ABCA1: variants seen among roughly 807,000 people sequenced by gnomAD.
ABCA1 encodes the protein ATP binding cassette subfamily A member 1.
ABCA1 carries 133 observed loss-of-function variants against 262.5 expected under a neutral mutation model. The ratio of observed to expected loss-of-function variants is 0.51; its 90% CI spans 0.44 to 0.59. The LOEUF is 0.59. ABCA1 is among the 20% of genes least tolerant of loss of function. The pLI is 0.00. For synonymous variants in ABCA1, 1,022 were observed against 1,043.5 expected, an observed-to-expected ratio of 0.98 and a Z score of 0.40; for missense variants, 2,452 against 2,777.5, an observed-to-expected ratio of 0.88 and a Z score of 2.63.
In ABCA1 at chr9:104,833,894, C is replaced by T. The variant is rs868439444; in HGVS notation, c.1312-1123G>A. Among the ~76,000 whole-genome samples the T allele has an allele frequency of 7.2e-5, 11 of 151,922 alleles. 1 individual carries two copies. Among genetic ancestry groups the T allele is most frequent in the Admixed American group, 3.9e-4 (6 of 15,236 alleles). On this transcript the variant is annotated intron_variant, in intron 11 of 49. Transcript: ENST00000374736. ...GCTCAATCAGCAGATCCAGAGGGGC[C>T]GAGGCAGAGGCCTGCACAGATGTGC...
rs1355853073 is a variant in ABCA1 at position 104,817,416 on chromosome 9, G to C, written c.3463-12C>G. The C allele has an allele frequency of 6.2e-7, 1 of 1,614,188 alleles. No individual in the cohort carries two copies. The highest frequency in any genetic ancestry group is 1.1e-5 in the South Asian group (1 of 91,084). On this transcript the variant is annotated splice_polypyrimidine_tract_variant and intron_variant, in intron 23 of 49. Coordinates refer to ENST00000374736, the MANE Select transcript of ABCA1 (RefSeq NM_005502.4). The surrounding 1 kb of genome is among the most constrained non-coding windows in gnomAD (Gnocchi z 4.7). Reference sequence around the variant, plus strand: ...GAAACACTGTCCTCCTGATGGCAAAGAAGGAGGTGAGAACGGGTCAGGGAC... The same window carrying C: ...GAAACACTGTCCTCCTGATGGCAAACAAGGAGGTGAGAACGGGTCAGGGAC...
At chr9:104,888,218 T>C (rs1839380102) in intron 3 of ABCA1, among the ~76,000 whole-genome samples, 2 of 152,142 alleles carry the variant, frequency 1.3e-5, no homozygotes, top group African/African-American at 4.8e-5. Flanking sequence ...ACTGCTTTCC[T>C]GGAAGAACAG....
intron 9 of ABCA1, 146 bp from the exon 10 acceptor site, chr9:104,837,713 G>T: frequency 1.1e-6 from 1 of 945,394 alleles, no homozygotes; most frequent in Non-Finnish European, 1.6e-6. Context: ...CTGAGCCTCA[G>T]TTGGCTCCTC....
chr9:104,860,391 G>A (rs1466977395), intron 6 of ABCA1, among the ~76,000 whole-genome samples: 1 of 152,022 alleles, frequency 6.6e-6, no homozygotes, highest in Non-Finnish European at 1.5e-5. Flanking sequence ...CCACACAATT[G>A]GTAAACACAA....
chr9:104,801,605 G>A (rs367565569), intron 34 of ABCA1, among the ~76,000 whole-genome samples: 7 of 151,044 alleles, frequency 4.6e-5, no homozygotes. Flanking sequence ...GCAACGGTGC[G>A]ATCTTGGCTC....
intron 11 of ABCA1, among the ~76,000 whole-genome samples, chr9:104,836,551 C>T (rs1366140676): frequency 6.6e-6 from 1 of 152,206 alleles, no homozygotes; most frequent in Non-Finnish European, 1.5e-5. Context: ...TCATCATTCA[C>T]ACAGTGCCCT....
intron 7 of ABCA1, among the ~76,000 whole-genome samples, chr9:104,852,800 A>G (rs1348958449): frequency 6.6e-6 from 1 of 152,184 alleles, no homozygotes; most frequent in Non-Finnish European, 1.5e-5. Context: ...AAAATCTGAT[A>G]CTTTCCAACA....
intron 5 of ABCA1, among the ~76,000 whole-genome samples, chr9:104,878,856 A>G (rs1211256321): frequency 1.3e-5 from 2 of 152,214 alleles, no homozygotes; most frequent in Non-Finnish European, 2.9e-5. Flanking sequence ...TGTATAGTCC[A>G]GCGAATTTAG....
At chr9:104,892,897 A>G (rs972375114) in intron 2 of ABCA1, among the ~76,000 whole-genome samples, 2 of 152,260 alleles carry the variant, frequency 1.3e-5, no homozygotes, top group African/African-American at 2.4e-5. Context: ...ATTGCATAGC[A>G]ATAGGGAAAT....
chr9:104,825,981 T>C lies in ABCA1; in HGVS notation c.2338-94A>G, dbSNP rs78103171. 1.7e-3 allele frequency: 2,281 copies of C among 1,319,022 alleles called. 34 individuals carry two copies. The African/African-American group carries it at 0.031, about 18-fold the overall frequency. The allele number at this position is 1,319,022 out of a possible 1,614,324, so 81.7% of individuals were successfully genotyped here. A position where few individuals can be genotyped will look rare whatever the true frequency, so the allele number is the denominator to read the frequency against. ...AAATTATACCTGGAGAAATTTGAAT[T>C]TGCAAAATGGATCAATCATAAGGTG... On this transcript the variant is annotated intron_variant, in intron 16 of 49. Coordinates refer to ENST00000374736, the MANE Select transcript of ABCA1 (RefSeq NM_005502.4).
chr9:104,896,423 A>C (rs1022606793), intron 2 of ABCA1, among the ~76,000 whole-genome samples: 1 of 152,228 alleles, frequency 6.6e-6, no homozygotes, highest in East Asian at 1.9e-4. Context: ...GAGTTCATTT[A>C]ATATCCAAAT....
chr9:104,787,704 C>T (rs940823838), intron 46 of ABCA1: 4 of 302,562 alleles, frequency 1.3e-5, no homozygotes, highest in Non-Finnish European at 1.9e-5. Flanking sequence ...AAACAAAGTG[C>T]TTGGAGTGCC....
chr9:104,801,626 C>G (rs1174918677), intron 34 of ABCA1, among the ~76,000 whole-genome samples: 1 of 152,092 alleles, frequency 6.6e-6, no homozygotes, highest in African/African-American at 2.4e-5. Flanking sequence ...ACTACAACCT[C>G]TTCCTACAGG....
rs760768125 is a variant in ABCA1 at position 104,792,854 on chromosome 9, G to A, written c.5689C>T (p.Arg1897Trp). The A allele has an allele frequency of 2.4e-5, 39 of 1,613,812 alleles. No individual in the cohort carries two copies. The highest frequency in any genetic ancestry group is 5.3e-5 in the African/African-American group (4 of 74,836). ...CCATCAAGAATTCTCTGTCTTTCCC[G>A]CCTCACATCTTCATCTTCATCATTC... ...PLNDEDEDVR[R>W]ERQRILDGGG... is the part of the protein sequence containing the mutation. Residue 1897 changes from arginine (R) to tryptophan (W), a missense_variant, in exon 42 of 50, where the codon CGG (arginine) becomes TGG (tryptophan). By Grantham distance (101) the Arg-to-Trp change is moderately radical (BLOSUM62 -3). This residue lies in a region of ABCA1 where 752 missense variants were observed against 944.5 expected (regional missense o/e 0.80). Transcript: ENST00000374736.
Position 104,824,582 on chromosome 9 carries a change from A to C in ABCA1, c.2543-4T>G. On this transcript the variant is annotated splice_region_variant and splice_polypyrimidine_tract_variant and intron_variant, in intron 17 of 49. Coordinates refer to ENST00000374736, the MANE Select transcript of ABCA1 (RefSeq NM_005502.4). ...GGCCTGGGAATTCCGTACTGGCCTG[A>C]AAGCAAAGCACAGGTATGAGCCAAG... 1 of 1,613,414 alleles carries C rather than the reference A, an allele frequency of 6.2e-7. No homozygotes were observed. Among genetic ancestry groups the C allele is most frequent in the South Asian group, 1.1e-5 (1 of 91,036 alleles).
At chr9:104,784,560 A>G (rs1293577802) in intron 49 of ABCA1, 105 bp from the exon 50 acceptor site, 46 of 1,332,664 alleles carry the variant, frequency 3.5e-5, no homozygotes, top group Non-Finnish European at 4.7e-5. Flanking sequence ...GTAGGAGCAT[A>G]CAGAATTACA....
At chr9:104,801,982 C>A (rs991699372) in intron 34 of ABCA1, 72 bp downstream of exon 34, 5 of 1,392,080 alleles carry the variant, frequency 3.6e-6, no homozygotes, top group Middle Eastern at 1.8e-4. Flanking sequence ...ATCCGTTTAA[C>A]CTGCCAACTA....
At chr9:104,825,644 G>C (rs1221246034) in intron 17 of ABCA1, 39 bp downstream of exon 17, 3 of 1,597,268 alleles carry the variant, frequency 1.9e-6, no homozygotes, top group African/African-American at 2.7e-5. Context: ...ACATCAGCTA[G>C]AAGTCATATT....
intron 3 of ABCA1, among the ~76,000 whole-genome samples, chr9:104,885,580 T>G (rs1839098313): frequency 2.0e-5 from 3 of 152,208 alleles, no homozygotes; most frequent in Admixed American, 6.5e-5. Context: ...CCCCATGCAC[T>G]AGGTCATCCT....
Sources: gnomAD v4.1 joint callset for allele counts (sites outside exome capture counted in the v4.1 genomes callset) on GRCh38, gnomAD v4.1.1 for gene constraint, gnomAD v4.1.1 regional missense constraint, Gnocchi (gnomAD v3.1) non-coding constraint, MANE v1.5 for transcripts, NCBI Gene and HGNC (gene_info 2026-07-23, HGNC 2026-07-21) for gene names.